Variants in GABRG2 observed in about 807,000 individuals in gnomAD.
GABRG2 encodes the protein gamma-aminobutyric acid type A receptor subunit gamma2.
Under a neutral mutation model 56.4 loss-of-function variants are expected in GABRG2, and 16 were observed. The ratio of observed to expected loss-of-function variants is 0.28; its 90% CI spans 0.19 to 0.43. The LOEUF is 0.43. Among genes scored for constraint, GABRG2 ranks in the 20% least tolerant of loss-of-function variants. GABRG2 has a pLI of 1.00. For synonymous variants in GABRG2, 208 were observed against 205.5 expected (o/e 1.01, Z -0.10); for missense variants, 327 against 582.7 (o/e 0.56, Z 4.52).
chr5:162,091,490 A>G (rs898531599), intron 1 of GABRG2, among the ~76,000 whole-genome samples: 3 of 152,110 alleles, frequency 2.0e-5, no homozygotes, highest in African/African-American at 4.8e-5. Flanking sequence ...GAGACTTATC[A>G]GGGTTAAATA....
intron 1 of GABRG2, among the ~76,000 whole-genome samples, chr5:162,080,372 G>A (rs946609015): frequency 2.0e-5 from 3 of 151,928 alleles, no homozygotes; most frequent in African/African-American, 7.3e-5. Flanking sequence ...AAGGAAAGGA[G>A]CCCAGCATGA....
At position 162,141,061 on chromosome 5, in the gene GABRG2, G is replaced by C. The variant is rs138877447; in HGVS notation, c.770-1103G>C. Among the ~76,000 whole-genome samples the C allele has an allele frequency of 8.8e-4, 133 of 151,884 alleles. No individual in the cohort carries two copies. The East Asian group carries it at 9.9e-3, about 11-fold the overall frequency. ...TTTGTTTCTTTTCTTTTTTTAGAAG[G>C]AGTCTCACTGTGTTGCCCAGGCTGT... On this transcript the variant is annotated intron_variant, in intron 6 of 9. Transcript: ENST00000639213.
At chr5:162,139,981 T>C (rs1424527432) in intron 6 of GABRG2, among the ~76,000 whole-genome samples, 1 of 152,176 alleles carries the variant, frequency 6.6e-6, no homozygotes. Flanking sequence ...TCAAATTAAA[T>C]CTTTTTACTC....
intron 1 of GABRG2, among the ~76,000 whole-genome samples, chr5:162,077,343 A>C (rs1009097567): frequency 6.6e-6 from 1 of 152,014 alleles, no homozygotes; most frequent in Admixed American, 6.6e-5. Flanking sequence ...TATGCATATG[A>C]GTTCTTTTTT....
chr5:162,093,190 G>T (rs748043825), intron 1 of GABRG2, among the ~76,000 whole-genome samples: 1 of 152,130 alleles, frequency 6.6e-6, no homozygotes, highest in Non-Finnish European at 1.5e-5. Flanking sequence ...GTGGTTTAAA[G>T]TCTGTAACAT....
chr5:162,146,052 G>A (rs1418717343), intron 7 of GABRG2, among the ~76,000 whole-genome samples: 1 of 151,314 alleles, frequency 6.6e-6, no homozygotes, highest in African/African-American at 2.5e-5. Context: ...CTTTACTGGA[G>A]ACTTATAAGG....
intron 1 of GABRG2, among the ~76,000 whole-genome samples, chr5:162,079,327 A>T (rs1759459210): frequency 1.3e-5 from 2 of 152,156 alleles, no homozygotes; most frequent in Non-Finnish European, 2.9e-5. Flanking sequence ...GTTGTAAGTG[A>T]TATATACCAA....
intron 7 of GABRG2, 150 bp from the exon 8 acceptor site, chr5:162,148,958 T>C (rs1224210324): frequency 1.4e-6 from 1 of 720,218 alleles, no homozygotes; most frequent in East Asian, 2.7e-5. Flanking sequence ...TAAATATTTG[T>C]AAATAGAGTG....
intron 1 of GABRG2, among the ~76,000 whole-genome samples, chr5:162,087,564 A>ACTTTGG: frequency 6.6e-6 from 1 of 152,136 alleles, no homozygotes; most frequent in Non-Finnish European, 1.5e-5. Context: ...AGTTGTTGCC[A>ACTTTGG]GAATCTTGTG....
chr5:162,152,147 G>C (rs1765420026), intron 9 of GABRG2: 1 of 186,402 alleles, frequency 5.4e-6, no homozygotes, highest in Non-Finnish European at 1.1e-5. Flanking sequence ...GTTCATTACT[G>C]TTTGTAAACT....
chr5:162,074,227 C>A (rs1758905227), intron 1 of GABRG2, among the ~76,000 whole-genome samples: 1 of 151,990 alleles, frequency 6.6e-6, no homozygotes, highest in Non-Finnish European at 1.5e-5. Context: ...GATATAAGAG[C>A]ACAAACTATG....
intron 5 of GABRG2, 130 bp from the exon 6 acceptor site, chr5:162,103,759 G>A (rs1283303319): frequency 1.8e-5 from 18 of 1,019,566 alleles, no homozygotes; most frequent in Non-Finnish European, 2.7e-5. Flanking sequence ...ATGCCCTTTG[G>A]TCCAAGATCC....
At chr5:162,078,898 G>A (rs1035697499) in intron 1 of GABRG2, among the ~76,000 whole-genome samples, 2 of 151,410 alleles carry the variant, frequency 1.3e-5, no homozygotes, top group South Asian at 4.1e-4. Context: ...AAGTAACTTT[G>A]TCTAGATAAA....
At chr5:162,076,914 T>G (rs567844464) in intron 1 of GABRG2, among the ~76,000 whole-genome samples, 1 of 152,046 alleles carries the variant, frequency 6.6e-6, no homozygotes, top group Admixed American at 6.5e-5. Flanking sequence ...TTTCTGAATA[T>G]GTTTTTGCTA....
chr5:162,136,453 A>G (rs1013237364), intron 6 of GABRG2, among the ~76,000 whole-genome samples: 3 of 150,686 alleles, frequency 2.0e-5, no homozygotes, highest in South Asian at 2.1e-4. Context: ...GTGTAGTCGC[A>G]TTGTGGAATA....
Position 162,068,010 on chromosome 5 carries a change from C to T in GABRG2, c.11C>T (p.Pro4Leu), listed in dbSNP as rs375295110. The change falls in exon 1 of 10, where the codon CCA becomes CTA. Residue 4 changes from proline to leucine, a missense_variant. Coordinates refer to ENST00000639213, the MANE Select transcript of GABRG2 (RefSeq NM_198904.4). MSSPNIWSTGSSVY... is the reference protein window; with the variant it reads MSSLNIWSTGSSVY... Reference sequence around the variant, plus strand: ...AAAAAAAAAAAAGCGATGAGTTCGCCAAATATATGGAGCACAGGAAGCTCA... The same window carrying T: ...AAAAAAAAAAAAGCGATGAGTTCGCTAAATATATGGAGCACAGGAAGCTCA... 2.1e-5 allele frequency: 34 copies of T among 1,612,414 alleles called. No homozygotes were observed. In the African/African-American group the frequency reaches 3.6e-4, roughly 17 times the overall value.
chr5:162,120,171 A>G (rs1048302241), intron 6 of GABRG2, among the ~76,000 whole-genome samples: 2 of 152,044 alleles, frequency 1.3e-5, no homozygotes, highest in Non-Finnish European at 1.5e-5. Flanking sequence ...CAGGTGCTAT[A>G]TGTTTTATAC....
In GABRG2 at chr5:162,151,719, C is replaced by T; in HGVS notation, c.1129-11C>T. 6.2e-7 allele frequency: 1 copy of T among 1,608,328 alleles called. No individual in the cohort carries two copies. The highest frequency in any genetic ancestry group is 8.5e-7 in the Non-Finnish European group (1 of 1,176,948). ...CAAATGCAATTCTCTTTTCTGTCTA[C>T]AAACCCAAAGCTTCTTCGGATGTTT... On this transcript the variant is annotated splice_polypyrimidine_tract_variant and intron_variant, in intron 8 of 9. Coordinates refer to ENST00000639213, the MANE Select transcript of GABRG2 (RefSeq NM_198904.4).
upstream of GABRG2, chr5:162,067,764 G>A (rs1166099060): frequency 1.6e-6 from 1 of 609,990 alleles, no homozygotes; most frequent in African/African-American, 1.9e-5. Context: ...CCCAGACTTG[G>A]AAGCCGCTGC....
Sources: allele counts gnomAD v4.1 joint callset (sites outside exome capture counted in the v4.1 genomes callset), GRCh38; gene constraint gnomAD v4.1.1; transcripts MANE v1.5; gene names NCBI Gene and HGNC (gene_info 2026-07-23, HGNC 2026-07-21).